The following GNA13 variants were observed in gnomAD, a reference collection of about 807,000 sequenced individuals.
The protein encoded by GNA13 is G protein subunit alpha 13, also known as guanine nucleotide-binding protein subunit alpha-13.
In GNA13, 4 loss-of-function variants were observed where a neutral mutation model predicts 33.5. The observed-to-expected ratio is 0.12, with a 90% CI of 0.06 to 0.27. The LOEUF (loss-of-function observed/expected upper bound fraction) is 0.27, where lower values mean the gene tolerates loss of function less well. Among genes scored for constraint, GNA13 ranks in the 10% least tolerant of loss-of-function variants. The probability of loss-of-function intolerance (pLI) is 1.00; values close to 1 mark genes in which losing one functional copy is unlikely to be tolerated. For synonymous variants in GNA13, 176 were observed against 183.8 expected, an observed-to-expected ratio of 0.96 and a Z score of 0.34; for missense variants, 319 against 487.2, an observed-to-expected ratio of 0.65 and a Z score of 3.25.
intron 2 of GNA13, among the ~76,000 whole-genome samples, chr17:65,031,335 C>T (rs1432797346): frequency 6.6e-6 from 1 of 152,236 alleles, no homozygotes. Flanking sequence ...TATCATCTTA[C>T]AGGGCCGCCA....
At chr17:65,016,788 G>A (rs1307401604) in intron 3 of GNA13, among the ~76,000 whole-genome samples, 1 of 152,140 alleles carries the variant, frequency 6.6e-6, no homozygotes, top group African/African-American at 2.4e-5. Context: ...TCAGATACAC[G>A]CCTGCTTTAT....
chr17:65,016,430 C>T (rs923541207), intron 3 of GNA13, among the ~76,000 whole-genome samples: 3 of 152,110 alleles, frequency 2.0e-5, no homozygotes, highest in South Asian at 2.1e-4. Flanking sequence ...GGCGGAATCT[C>T]GGCTCACTGC....
At chr17:65,041,700 A>C (rs2143814221) in intron 2 of GNA13, among the ~76,000 whole-genome samples, 1 of 152,230 alleles carries the variant, frequency 6.6e-6, no homozygotes, top group Non-Finnish European at 1.5e-5. Flanking sequence ...AGGTGAAGGA[A>C]GAGGGGATGA....
At chr17:65,028,576 A>G (rs912084548) in intron 2 of GNA13, among the ~76,000 whole-genome samples, 8 of 152,148 alleles carry the variant, frequency 5.3e-5, no homozygotes, top group Non-Finnish European at 8.8e-5. Context: ...GCTCACTGGT[A>G]CTTAGGGCAT....
chr17:65,015,000 G>A lies in GNA13; in HGVS notation c.562-171C>T, dbSNP rs1217610696. 1.3e-5 allele frequency among the ~76,000 whole-genome samples: 2 copies of A among 152,148 alleles called. No individual in the cohort carries two copies. The highest frequency in any genetic ancestry group is 2.4e-5 in the African/African-American group (1 of 41,450). On this transcript the variant is annotated intron_variant, in intron 3 of 3. Coordinates refer to ENST00000439174, the MANE Select transcript of GNA13 (RefSeq NM_006572.6). The surrounding 1 kb of genome is among the most constrained non-coding windows in gnomAD (Gnocchi z 5.3). ...TGCCAAGACTGGTCAGACATGGTGG[G>A]TCATGCCTATAATCCCAGCACTTTG...
chr17:65,038,987 A>G (rs977382971), intron 2 of GNA13, among the ~76,000 whole-genome samples: 1 of 152,252 alleles, frequency 6.6e-6, no homozygotes, highest in African/African-American at 2.4e-5. Flanking sequence ...AAGTAAAAAA[A>G]TCGTTAAGTC....
At chr17:65,037,777 G>GCAAAAAAAAAAAAAAA (rs145051963) in intron 2 of GNA13, among the ~76,000 whole-genome samples, 1 of 82,042 alleles carries the variant, frequency 1.2e-5, no homozygotes, top group African/African-American at 5.1e-5. Flanking sequence ...CTACAAAAAT[G>GCAAAAAAAAAAAAAAA]GAAAAAAAAA....
rs1906238306 is a variant in GNA13 at position 65,012,736 on chromosome 17, A to G, written c.*1521T>C. ...ATAACGACCAATCTTTCAAGGACCA[A>G]TAAAATACCTGAGTACACAGTCAGC... is the stretch of plus-strand genomic sequence containing the variant. On this transcript the variant is annotated 3_prime_UTR_variant, in exon 4 of 4. Transcript: ENST00000439174. The G allele has an allele frequency of 4.4e-6, 1 of 225,268 alleles. No individual in the cohort carries two copies. Among genetic ancestry groups the G allele is most frequent in the African/African-American group, 2.2e-5 (1 of 44,880 alleles). The allele number at this position is 225,268 out of a possible 1,614,324, so 14.0% of individuals were successfully genotyped here.
intron 2 of GNA13, among the ~76,000 whole-genome samples, chr17:65,046,326 T>A (rs1907662306): frequency 6.6e-6 from 1 of 152,196 alleles, no homozygotes; most frequent in South Asian, 2.1e-4. Context: ...GATCTCACTC[T>A]GTTGGCCAGG....
At chr17:65,033,633 C>T (rs1598489468) in intron 2 of GNA13, among the ~76,000 whole-genome samples, 2 of 152,268 alleles carry the variant, frequency 1.3e-5, no homozygotes, top group Admixed American at 1.3e-4. Flanking sequence ...TTTTCCTTTG[C>T]TGTGTAGATA....
At chr17:65,043,177 A>G (rs1907525855) in intron 2 of GNA13, among the ~76,000 whole-genome samples, 1 of 152,200 alleles carries the variant, frequency 6.6e-6, no homozygotes, top group African/African-American at 2.4e-5. Context: ...GCCTTACTCC[A>G]CTTTATCCCA....
chr17:65,017,078 G>A (rs1280435924), intron 3 of GNA13, among the ~76,000 whole-genome samples: 1 of 151,982 alleles, frequency 6.6e-6, no homozygotes, highest in African/African-American at 2.4e-5. Context: ...AAATAATCAG[G>A]GGTACGATTA....
intron 1 of GNA13, among the ~76,000 whole-genome samples, chr17:65,055,290 CAAAAT>C (rs1908005172): frequency 1.3e-5 from 2 of 152,226 alleles, no homozygotes; most frequent in South Asian, 4.1e-4. Flanking sequence ...TTTCAAATGA[CAAAAT>C]AAAAACCATC....
intron 2 of GNA13, among the ~76,000 whole-genome samples, chr17:65,040,888 C>A (rs1022447659): frequency 5.3e-5 from 8 of 152,208 alleles, no homozygotes; most frequent in African/African-American, 1.9e-4. Flanking sequence ...CTTACTGTAG[C>A]AGTTGGCCAG....
intron 2 of GNA13, among the ~76,000 whole-genome samples, chr17:65,040,783 G>A (rs1027925518): frequency 1.3e-5 from 2 of 152,100 alleles, no homozygotes; most frequent in Admixed American, 1.3e-4. Context: ...GAGCCACTCT[G>A]CCCAGCCAAT....
intron 2 of GNA13, among the ~76,000 whole-genome samples, chr17:65,046,062 C>T (rs1410993558): frequency 2.0e-5 from 3 of 152,124 alleles, no homozygotes; most frequent in African/African-American, 7.2e-5. Flanking sequence ...CTTTCTGAGT[C>T]TCCATTTTTT....
rs1476298923 is a variant in GNA13, at chr17:65,009,380, A to C, written c.*4877T>G. Among the ~76,000 whole-genome samples, 1 of 152,224 alleles carries C rather than the reference A, an allele frequency of 6.6e-6. No homozygotes were observed. On this transcript the variant is annotated 3_prime_UTR_variant, in exon 4 of 4. Coordinates refer to ENST00000439174, the MANE Select transcript of GNA13 (RefSeq NM_006572.6). ...GCAAATGTTTTGCAAAATATGTACA[A>C]AAGTAAAAAGCTGTAATGAACTAGC... is the stretch of plus-strand genomic sequence containing the variant.
Position 65,012,433 on chromosome 17 carries a change from A to T in GNA13, c.*1824T>A, listed in dbSNP as rs555612505. ...CTTTTTGGCAAGAAGCACTAGATGT[A>T]GAACTATTCAAACACGCATGAATGA... On this transcript the variant is annotated 3_prime_UTR_variant, in exon 4 of 4. Coordinates refer to ENST00000439174, the MANE Select transcript of GNA13 (RefSeq NM_006572.6). The T allele has an allele frequency of 4.5e-6, 1 of 221,862 alleles. No homozygotes were observed. The highest frequency in any genetic ancestry group is 1.8e-4 in the South Asian group (1 of 5,430). 13.7% of individuals were successfully genotyped at this position (221,862 alleles called of 1,614,324 possible). A position where few individuals can be genotyped will look rare whatever the true frequency, so the allele number is the denominator to read the frequency against.
chr17:65,042,691 C>T lies in GNA13; in HGVS notation c.510+10811G>A, dbSNP rs144462818. Among the ~76,000 whole-genome samples the T allele has an allele frequency of 2.6e-3, 391 of 151,232 alleles. 5 individuals are homozygous for T. Among genetic ancestry groups the T allele is most frequent in the African/African-American group, 9.2e-3 (381 of 41,226 alleles). On this transcript the variant is annotated intron_variant, in intron 2 of 3. Coordinates refer to ENST00000439174, the MANE Select transcript of GNA13 (RefSeq NM_006572.6). ...GAGGGAGGCTGCAGTGAGCCAAGAC[C>T]GCGCCACTGCACTCCAGCCTGGGCA...
Sources: gnomAD v4.1 joint callset for allele counts (sites outside exome capture counted in the v4.1 genomes callset) on GRCh38, gnomAD v4.1.1 for gene constraint, Gnocchi (gnomAD v3.1) non-coding constraint, MANE v1.5 for transcripts, NCBI Gene and HGNC (gene_info 2026-07-23, HGNC 2026-07-21) for gene names.